Variants in TCF12 observed in about 807,000 individuals in gnomAD.
The protein encoded by TCF12 is transcription factor 12, also known as DNA-binding protein HTF4.
Under a neutral mutation model 86.0 loss-of-function variants are expected in TCF12, and 45 were observed. That is an observed-to-expected ratio of 0.52 (90% confidence interval 0.41 to 0.67). The LOEUF (loss-of-function observed/expected upper bound fraction) is 0.67, where lower values mean the gene tolerates loss of function less well. Among genes scored for constraint, TCF12 ranks in the 30% least tolerant of loss-of-function variants. The probability of loss-of-function intolerance (pLI) is 0.00; values close to 1 mark genes in which losing one functional copy is unlikely to be tolerated. For synonymous variants in TCF12, 330 were observed against 299.6 expected, an observed-to-expected ratio of 1.10 and a Z score of -1.05; for missense variants, 881 against 859.9, an observed-to-expected ratio of 1.02 and a Z score of -0.31.
chr15:57,212,239 G>A (rs1032817552), intron 8 of TCF12, among the ~76,000 whole-genome samples: 1 of 152,116 alleles, frequency 6.6e-6, no homozygotes, highest in East Asian at 1.9e-4. Flanking sequence ...GTTCTGAACT[G>A]CAGTTACATG....
At chr15:57,135,686 A>G (rs569617339) in intron 5 of TCF12, among the ~76,000 whole-genome samples, 2 of 152,238 alleles carry the variant, frequency 1.3e-5, no homozygotes, top group Non-Finnish European at 2.9e-5. Context: ...TATATCACAT[A>G]TAATAGAAGA....
chr15:57,186,865 A>G (rs1015372634), intron 6 of TCF12, among the ~76,000 whole-genome samples: 1 of 152,138 alleles, frequency 6.6e-6, no homozygotes, highest in African/African-American at 2.4e-5. Flanking sequence ...AAAAACCCAT[A>G]TGATTGTCTC....
chr15:57,218,546 T>C (rs1330826368), intron 8 of TCF12, among the ~76,000 whole-genome samples: 2 of 152,192 alleles, frequency 1.3e-5, no homozygotes, highest in Non-Finnish European at 2.9e-5. Context: ...AGCATTAGCA[T>C]AAAAATATGA....
chr15:57,220,715 A>T (rs1239823338), intron 8 of TCF12, among the ~76,000 whole-genome samples: 2 of 152,138 alleles, frequency 1.3e-5, no homozygotes, highest in Non-Finnish European at 2.9e-5. Context: ...AAAAGAGTAA[A>T]CTCGGAAAGT....
chr15:57,232,720 T>G lies in TCF12; in HGVS notation c.834T>G (p.Pro278=), dbSNP rs2059195454. The G allele has an allele frequency of 1.2e-6, 2 of 1,611,700 alleles. No individual in the cohort carries two copies. Among genetic ancestry groups the G allele is most frequent in the South Asian group, 2.2e-5 (2 of 90,936 alleles). ...NLHSHDRLSY[P]PHSVSPTDIN... ...TATCTCTTTCCATCTAGAGTTATCC[T>G]CCACACTCAGTTTCACCAACAGACA... The change falls in exon 11 of 21, where the codon CCT becomes CCG. Residue 278 remains proline (P), a synonymous_variant. Transcript: ENST00000333725.
chr15:57,176,368 T>G (rs2055910893), intron 6 of TCF12, among the ~76,000 whole-genome samples: 1 of 152,220 alleles, frequency 6.6e-6, no homozygotes, highest in South Asian at 2.1e-4. Flanking sequence ...TTTATTCTAA[T>G]ACTACCCAGC....
Position 57,241,371 on chromosome 15 carries a change from C to T in TCF12, c.1036-2101C>T, listed in dbSNP as rs370271997. ...CCTCCCAAAGTGCTGGGATTATAGG[C>T]GTGAGCTACCGCACCCGGCCTATTA... On this transcript the variant is annotated intron_variant, in intron 12 of 20. Transcript: ENST00000333725. Among the ~76,000 whole-genome samples the T allele has an allele frequency of 3.1e-3, 466 of 152,072 alleles. 3 individuals are homozygous for T. The highest frequency in any genetic ancestry group is 0.011 in the African/African-American group (446 of 41,502).
chr15:56,998,888 A>T (rs1567227014), intron 3 of TCF12, among the ~76,000 whole-genome samples: 1 of 152,198 alleles, frequency 6.6e-6, no homozygotes, highest in African/African-American at 2.4e-5. Context: ...GATAACACAG[A>T]AATCTCCAAG....
intron 4 of TCF12, among the ~76,000 whole-genome samples, chr15:57,075,810 C>CTTTCTT (rs1468494536): frequency 1.5e-5 from 1 of 65,376 alleles, no homozygotes. Flanking sequence ...TTCTTTCTCT[C>CTTTCTT]TCTCTCTCTC....
chr15:57,116,472 AG>A (rs1454538944), intron 5 of TCF12, among the ~76,000 whole-genome samples: 1 of 152,086 alleles, frequency 6.6e-6, no homozygotes, highest in Non-Finnish European at 1.5e-5. Flanking sequence ...CAGTCTCCTG[AG>A]TAGGTGGGAC....
chr15:56,918,611 G>A (rs1161288255), upstream of TCF12: 3 of 222,142 alleles, frequency 1.4e-5, no homozygotes, highest in East Asian at 1.8e-4. Context: ...GGGTTAACCC[G>A]CGGCTCTTCC....
At position 57,023,912 on chromosome 15, in the gene TCF12, C is replaced by T. The variant is rs527539446; in HGVS notation, c.149-39838C>T. ...TCAGGCATTAGATTCTCATAAGGAT[C>T]GTGCAACCTAAATCCCTTGCATAGT... On this transcript the variant is annotated intron_variant, in intron 3 of 20. Transcript: ENST00000333725. 6.6e-5 allele frequency among the ~76,000 whole-genome samples: 10 copies of T among 152,214 alleles called. No individual in the cohort carries two copies. The South Asian group carries it at 1.5e-3, about 22-fold the overall frequency.
At chr15:57,262,885 A>G (rs1484737154) in intron 17 of TCF12, among the ~76,000 whole-genome samples, 1 of 152,154 alleles carries the variant, frequency 6.6e-6, no homozygotes, top group Non-Finnish European at 1.5e-5. Context: ...TAAATTGGTC[A>G]TGGGGGTCAG....
chr15:57,042,022 T>C (rs1413058158), intron 3 of TCF12, among the ~76,000 whole-genome samples: 1 of 152,232 alleles, frequency 6.6e-6, no homozygotes, highest in Non-Finnish European at 1.5e-5. Flanking sequence ...TGGCAACATA[T>C]TTTATATTAA....
intron 5 of TCF12, among the ~76,000 whole-genome samples, chr15:57,092,794 T>A (rs1224474975): frequency 6.6e-6 from 1 of 152,162 alleles, no homozygotes; most frequent in Non-Finnish European, 1.5e-5. Flanking sequence ...GTAATTGACA[T>A]TGATTTCATT....
chr15:57,167,074 A>G (rs2054952259), intron 6 of TCF12, among the ~76,000 whole-genome samples: 1 of 152,214 alleles, frequency 6.6e-6, no homozygotes, highest in Non-Finnish European at 1.5e-5. Flanking sequence ...GGAAAGGCAG[A>G]ACATATTAAA....
At chr15:57,053,631 T>G (rs1195279775) in intron 3 of TCF12, among the ~76,000 whole-genome samples, 2 of 145,824 alleles carry the variant, frequency 1.4e-5, no homozygotes, top group African/African-American at 5.0e-5. Flanking sequence ...TTTTTTTTTT[T>G]GTAGATAAAT....
chr15:57,193,787 T>C (rs955101692), intron 7 of TCF12, among the ~76,000 whole-genome samples: 4 of 152,218 alleles, frequency 2.6e-5, no homozygotes, highest in Admixed American at 6.5e-5. Context: ...GGCACTATGA[T>C]AGATCATCAT....
chr15:57,047,961 AAC>A (rs1425790522), intron 3 of TCF12, among the ~76,000 whole-genome samples: 1 of 151,818 alleles, frequency 6.6e-6, no homozygotes, highest in Non-Finnish European at 1.5e-5. Flanking sequence ...GGGCAGTTGT[AAC>A]ACAGTGATGA....
Sources: allele counts gnomAD v4.1 joint callset (sites outside exome capture counted in the v4.1 genomes callset), GRCh38; gene constraint gnomAD v4.1.1; transcripts MANE v1.5; gene names NCBI Gene and HGNC (gene_info 2026-07-23, HGNC 2026-07-21).